ZNF860: variants seen among roughly 807,000 people sequenced by gnomAD.
The protein encoded by ZNF860 is zinc finger protein 860.
For missense variants in ZNF860, 641 were observed against 759.2 expected, an observed-to-expected ratio of 0.84 and a Z score of 1.83; for synonymous variants, 206 against 248.9, an observed-to-expected ratio of 0.83 and a Z score of 1.62.
Position 31,990,750 on chromosome 3 carries a change from GA to G in ZNF860, c.1672del (p.Arg558GlufsTer115). 6.2e-7 allele frequency: 1 copy of G among 1,613,898 alleles called. No homozygotes were observed. Among genetic ancestry groups the G allele is most frequent in the Non-Finnish European group, 8.5e-7 (1 of 1,179,868 alleles). On this transcript the variant is annotated frameshift_variant, in exon 2 of 2. Transcript: ENST00000360311. LOFTEE classifies it low-confidence loss of function (END_TRUNC). ...SRKSHHETHK[R>X]IHTGEKPYKC... ...GCAAATCACACCATGAAACACATAAGAGAATTCATACTGGAGAGAAACCTTA... is the reference window on the plus strand; with the variant it reads ...GCAAATCACACCATGAAACACATAAGGAATTCATACTGGAGAGAAACCTTA...
downstream of ZNF860, among the ~76,000 whole-genome samples, chr3:31,995,295 A>G (rs7642435): frequency 0.46 from 69,297 of 152,058 alleles, 20,408 homozygotes; most frequent in African/African-American, 0.81. Context: ...TATCTCAACC[A>G]CATAGGACAG....
the ZNF860 span, among the ~76,000 whole-genome samples, chr3:32,002,541 G>A: frequency 6.6e-6 from 1 of 152,172 alleles, no homozygotes; most frequent in African/African-American, 2.4e-5. Context: ...ATCCATAGCT[G>A]TGGAATACTG....
At position 31,990,218 on chromosome 3, in the gene ZNF860, G is replaced by C; in HGVS notation, c.1139G>C (p.Ser380Thr). 1 of 1,613,868 alleles carries C rather than the reference G, an allele frequency of 6.2e-7. No homozygotes were observed. The highest frequency in any genetic ancestry group is 8.5e-7 in the Non-Finnish European group (1 of 1,179,882). Reference sequence around the variant, plus strand: ...TGTAATGAGTGTGGCAAAGCCTTTAGTGGGCAGTCAACACTTATTCACCAT... The same window carrying C: ...TGTAATGAGTGTGGCAAAGCCTTTACTGGGCAGTCAACACTTATTCACCAT... ...YKCNECGKAF[S>T]GQSTLIHHQA... Residue 380 changes from serine (S) to threonine (T), a missense_variant, in exon 2 of 2, where the codon AGT (serine) becomes ACT (threonine). Ser to Thr is a moderately conservative substitution (Grantham distance 58). Transcript: ENST00000360311.
At position 31,988,798 on chromosome 3, in the gene ZNF860, T is replaced by C. The variant is rs147630801; in HGVS notation, c.-282T>C. ...ATTTTCTGAGACCTGCTAACAGCCA[T>C]GTGAGTGACCTTGGAAGTAGGTTGT... On this transcript the variant is annotated 5_prime_UTR_variant, in exon 2 of 2. It removes an upstream start codon present in the reference 5' UTR. Coordinates refer to ENST00000360311, the MANE Select transcript of ZNF860 (RefSeq NM_001137674.3). 4.3e-5 allele frequency: 21 copies of C among 482,760 alleles called. No individual in the cohort carries two copies. The highest frequency in any genetic ancestry group is 6.3e-5 in the Non-Finnish European group (17 of 269,400). 29.9% of individuals were successfully genotyped at this position (482,760 alleles called of 1,614,324 possible). A position where few individuals can be genotyped will look rare whatever the true frequency, so the allele number is the denominator to read the frequency against.
rs576094780 is a variant in ZNF860, at chr3:31,990,665, A to G, written c.1586A>G (p.His529Arg). The G allele has an allele frequency of 9.9e-6, 16 of 1,614,158 alleles. No homozygotes were observed. The African/African-American group carries it at 1.6e-4, about 16-fold the overall frequency. Reference protein sequence around the residue: ...FNQQATLARHHRLHTGEKPYK... With the variant: ...FNQQATLARHRRLHTGEKPYK... ...CAACAAGCAACCCTTGCACGTCATC[A>G]TAGACTTCATACTGGAGAGAAACCT... Residue 529 changes from histidine (H) to arginine (R), a missense_variant, in exon 2 of 2, where the codon CAT (histidine) becomes CGT (arginine). Transcript: ENST00000360311.
chr3:31,993,436 G>A (rs886608988), downstream of ZNF860, among the ~76,000 whole-genome samples: 3 of 151,852 alleles, frequency 2.0e-5, no homozygotes, highest in Non-Finnish European at 4.4e-5. Context: ...TCAAACTCCT[G>A]ACCTCAGGTG....
chr3:31,999,321 T>C, the ZNF860 span, among the ~76,000 whole-genome samples: 9 of 152,104 alleles, frequency 5.9e-5, no homozygotes, highest in Non-Finnish European at 2.9e-5. Context: ...TGTGATTATT[T>C]ATGCTTTGGG....
downstream of ZNF860, among the ~76,000 whole-genome samples, chr3:31,995,322 C>T (rs60307779): frequency 1.9e-3 from 296 of 152,192 alleles, 1 homozygote; most frequent in African/African-American, 6.8e-3. Flanking sequence ...CCAGAGCGGC[C>T]GTTTATAGAC....
At chr3:32,003,367 G>A in the ZNF860 span, among the ~76,000 whole-genome samples, 3 of 152,316 alleles carry the variant, frequency 2.0e-5, no homozygotes, top group Admixed American at 1.3e-4. Flanking sequence ...GAGTTCCCCC[G>A]AGGTTTCCTA....
At chr3:32,001,426 C>T in the ZNF860 span, among the ~76,000 whole-genome samples, 4 of 152,086 alleles carry the variant, frequency 2.6e-5, no homozygotes, top group African/African-American at 9.7e-5. Flanking sequence ...CATTTTACAT[C>T]TATTATTGCT....
At chr3:31,986,339 C>A (rs1377717668) in intron 1 of ZNF860, 1 of 152,244 alleles carries the variant, frequency 6.6e-6, no homozygotes, top group Admixed American at 6.5e-5. Flanking sequence ...GTTCTTGCTG[C>A]CTGAACTTCA....
In ZNF860 at chr3:31,991,202, G is replaced by A; in HGVS notation, c.*224G>A. ...GGCTTATACCTGTAATCCCAGCACT[G>A]TGGGAGGTCAAGACGGATAGATCAC... On this transcript the variant is annotated 3_prime_UTR_variant, in exon 2 of 2. Transcript: ENST00000360311. 1 of 536,544 alleles carries A rather than the reference G, an allele frequency of 1.9e-6. No individual in the cohort carries two copies. Among genetic ancestry groups the A allele is most frequent in the Non-Finnish European group, 3.3e-6 (1 of 299,122 alleles). The allele number at this position is 536,544 out of a possible 1,614,324, so 33.2% of individuals were successfully genotyped here.
At chr3:32,002,184 CAG>C in the ZNF860 span, among the ~76,000 whole-genome samples, 2 of 152,248 alleles carry the variant, frequency 1.3e-5, no homozygotes, top group South Asian at 4.1e-4. Flanking sequence ...GCCCATTCAA[CAG>C]AAATTGCTTC....
chr3:31,991,817 A>G (rs1699034015), downstream of ZNF860, among the ~76,000 whole-genome samples: 1 of 151,970 alleles, frequency 6.6e-6, no homozygotes, highest in Admixed American at 6.6e-5. Context: ...AACTTTTCAT[A>G]TCCTGAAGAT....
rs1166140083 is a variant in ZNF860 at position 31,989,280 on chromosome 3, C to T, written c.201C>T (p.Ser67=). The change falls in exon 2 of 2, where the codon TCC becomes TCT. Residue 67 remains serine, a synonymous_variant. Coordinates refer to ENST00000360311, the MANE Select transcript of ZNF860 (RefSeq NM_001137674.3). ...YRNLHSVDIS[S]KCMMKKFSST... ...ACCTGCATTCTGTGGATATCTCTTC[C>T]AAATGCATGATGAAGAAGTTCTCAT... 6.2e-7 allele frequency: 1 copy of T among 1,613,964 alleles called. No individual in the cohort carries two copies. Among genetic ancestry groups the T allele is most frequent in the African/African-American group, 1.3e-5 (1 of 74,876 alleles).
chr3:31,989,167 G>C lies in ZNF860; in HGVS notation c.88G>C (p.Ala30Pro). 6.2e-7 allele frequency: 1 copy of C among 1,614,166 alleles called. No individual in the cohort carries two copies. The highest frequency in any genetic ancestry group is 8.5e-7 in the Non-Finnish European group (1 of 1,180,028). ...GGGACACTTGACTTTTAGGGATGTG[G>C]CTATAGAATTCTCTTTGGAGGAGTG... is the stretch of plus-strand genomic sequence containing the variant. ...PQGHLTFRDV[A>P]IEFSLEEWKC... Residue 30 changes from alanine (A) to proline (P), a missense_variant, in exon 2 of 2, where the codon GCT becomes CCT. By Grantham distance (27) the Ala-to-Pro change is conservative. Coordinates refer to ENST00000360311, the MANE Select transcript of ZNF860 (RefSeq NM_001137674.3).
chr3:31,994,936 AT>A, downstream of ZNF860, among the ~76,000 whole-genome samples: 1 of 152,294 alleles, frequency 6.6e-6, no homozygotes, highest in East Asian at 1.9e-4. Context: ...CAGGGGTGAC[AT>A]CACATATTGG....
At chr3:31,997,643 A>G in the ZNF860 span, among the ~76,000 whole-genome samples, 2 of 151,618 alleles carry the variant, frequency 1.3e-5, no homozygotes, top group South Asian at 4.2e-4. Flanking sequence ...TTTTGTTTTT[A>G]CTTTCCTTTA....
chr3:31,994,065 T>C (rs1322308691), downstream of ZNF860, among the ~76,000 whole-genome samples: 1 of 152,198 alleles, frequency 6.6e-6, no homozygotes, highest in Non-Finnish European at 1.5e-5. Context: ...AGTAAACTAT[T>C]GTTACATGCA....
Sources: gnomAD v4.1 joint callset for allele counts (sites outside exome capture counted in the v4.1 genomes callset) on GRCh38, gnomAD v4.1.1 for gene constraint, MANE v1.5 for transcripts, NCBI Gene and HGNC (gene_info 2026-07-23, HGNC 2026-07-21) for gene names.